Variants in PRTFDC1 observed in about 807,000 individuals in gnomAD.
PRTFDC1 encodes phosphoribosyltransferase domain-containing protein 1.
PRTFDC1 carries 38 observed loss-of-function variants against 34.6 expected under a neutral mutation model. The ratio of observed to expected loss-of-function variants is 1.10; its 90% CI spans 0.85 to 1.44. The LOEUF (loss-of-function observed/expected upper bound fraction) is 1.44. Among genes scored for constraint, PRTFDC1 ranks in the 40% most tolerant of loss-of-function variants. PRTFDC1 has a pLI of 0.00. For missense variants in PRTFDC1, 270 were observed against 283.0 expected, an observed-to-expected ratio of 0.95 and a Z score of 0.33; for synonymous variants, 93 against 98.1, an observed-to-expected ratio of 0.95 and a Z score of 0.31.
chr10:24,906,874 C>T (rs1848544697), intron 3 of PRTFDC1, among the ~76,000 whole-genome samples: 1 of 152,188 alleles, frequency 6.6e-6, no homozygotes, highest in Non-Finnish European at 1.5e-5. Flanking sequence ...GAGAAATGGA[C>T]AAGCTGTCAG....
At chr10:24,868,777 G>T (rs1847828165) in intron 4 of PRTFDC1, among the ~76,000 whole-genome samples, 1 of 128,200 alleles carries the variant, frequency 7.8e-6, no homozygotes, top group African/African-American at 2.9e-5. Context: ...CTAACTGTTG[G>T]GTGCCTTTTC....
intron 3 of PRTFDC1, among the ~76,000 whole-genome samples, chr10:24,893,509 T>C (rs141862901): frequency 9.7e-4 from 148 of 152,280 alleles, no homozygotes; most frequent in African/African-American, 3.5e-3. Flanking sequence ...CAGGTCTCAA[T>C]AGGTTGCCCA....
chr10:24,937,405 C>T, intron 2 of PRTFDC1, 38 bp from the exon 3 acceptor site: 1 of 1,543,978 alleles, frequency 6.5e-7, no homozygotes, highest in Non-Finnish European at 8.8e-7. Flanking sequence ...GGCACAACTA[C>T]TTCTGAGTAT....
At chr10:24,921,316 C>T (rs1317339146) in intron 3 of PRTFDC1, among the ~76,000 whole-genome samples, 1 of 152,070 alleles carries the variant, frequency 6.6e-6, no homozygotes, top group Non-Finnish European at 1.5e-5. Context: ...GACTTCTGAG[C>T]CTGCCTTCTA....
chr10:24,943,114 A>G (rs1588626645), intron 1 of PRTFDC1, among the ~76,000 whole-genome samples: 1 of 150,744 alleles, frequency 6.6e-6, no homozygotes, highest in African/African-American at 2.4e-5. Flanking sequence ...TAATTCTAAA[A>G]TACATGCAGT....
intron 3 of PRTFDC1, among the ~76,000 whole-genome samples, chr10:24,926,644 C>T (rs751955984): frequency 1.2e-4 from 18 of 152,186 alleles, no homozygotes; most frequent in Admixed American, 5.9e-4. Context: ...CCACTGCGTC[C>T]GGCCATTTCA....
chr10:24,926,904 T>C (rs954771751), intron 3 of PRTFDC1, among the ~76,000 whole-genome samples: 1 of 152,240 alleles, frequency 6.6e-6, no homozygotes, highest in African/African-American at 2.4e-5. Flanking sequence ...TCTCAGTGTT[T>C]GCTTTTCACA....
At chr10:24,927,956 G>T (rs1240772348) in intron 3 of PRTFDC1, among the ~76,000 whole-genome samples, 1 of 152,094 alleles carries the variant, frequency 6.6e-6, no homozygotes. Flanking sequence ...TTGAACACTT[G>T]CAAATAAAAT....
intron 2 of PRTFDC1, among the ~76,000 whole-genome samples, chr10:24,941,275 C>T (rs112059604): frequency 6.9e-4 from 105 of 152,028 alleles, no homozygotes; most frequent in African/African-American, 2.4e-3. Flanking sequence ...AGGCTGGTCT[C>T]AAACTCCTGG....
In PRTFDC1 at chr10:24,937,320, T is replaced by C. The variant is rs200167817; in HGVS notation, c.203A>G (p.Asp68Gly). 15 of 1,613,958 alleles carry C rather than the reference T, an allele frequency of 9.3e-6. No homozygotes were observed. The East Asian group carries it at 3.1e-4, about 34-fold the overall frequency. The change falls in exon 3 of 9, where the codon GAC becomes GGC. Residue 68 changes from aspartate to glycine, a missense_variant. Physicochemically the swap from Asp to Gly is moderately conservative, Grantham distance 94. Coordinates refer to ENST00000320152, the MANE Select transcript of PRTFDC1 (RefSeq NM_020200.7). ...KDIMKDIGYS[D>G]IMVLCVLKGG... is the part of the protein sequence containing the mutation. Reference sequence around the variant, plus strand: ...TTTAAGCACACACAGGACCATGATGTCACTATATCCTATGTCTTTCATAAT... The same window carrying C: ...TTTAAGCACACACAGGACCATGATGCCACTATATCCTATGTCTTTCATAAT...
intron 3 of PRTFDC1, among the ~76,000 whole-genome samples, chr10:24,895,926 CTA>C (rs988319630): frequency 6.6e-6 from 1 of 151,822 alleles, no homozygotes; most frequent in Admixed American, 6.6e-5. Context: ...CATATTTAAT[CTA>C]AAAACAAAAT....
intron 6 of PRTFDC1, among the ~76,000 whole-genome samples, chr10:24,856,322 C>T (rs1347178997): frequency 2.0e-5 from 3 of 149,296 alleles, no homozygotes; most frequent in Non-Finnish European, 4.4e-5. Context: ...TGCAGTGGCT[C>T]GTGCCTGTAA....
chr10:24,892,682 A>C (rs1848285181), intron 3 of PRTFDC1, among the ~76,000 whole-genome samples: 1 of 152,136 alleles, frequency 6.6e-6, no homozygotes, highest in African/African-American at 2.4e-5. Flanking sequence ...ATTCAAATTT[A>C]GTAACAAATT....
chr10:24,908,636 G>A (rs774555172), intron 3 of PRTFDC1: 176 of 1,611,870 alleles, frequency 1.1e-4, no homozygotes, highest in Non-Finnish European at 1.3e-4. Context: ...TTGACTGAAG[G>A]CCAGTCCTCC....
At chr10:24,861,361 G>A (rs1272229150) in intron 4 of PRTFDC1, among the ~76,000 whole-genome samples, 1 of 152,100 alleles carries the variant, frequency 6.6e-6, no homozygotes, top group Non-Finnish European at 1.5e-5. Flanking sequence ...AATTAGCTGG[G>A]CTTGGTGGCC....
At chr10:24,928,654 G>C (rs1050458573) in intron 3 of PRTFDC1, among the ~76,000 whole-genome samples, 1 of 152,028 alleles carries the variant, frequency 6.6e-6, no homozygotes, top group Non-Finnish European at 1.5e-5. Context: ...ATGTTGGCCA[G>C]GCTGGCCTGG....
intron 5 of PRTFDC1, among the ~76,000 whole-genome samples, chr10:24,857,616 A>G (rs1847603258): frequency 6.6e-6 from 1 of 152,228 alleles, no homozygotes; most frequent in Non-Finnish European, 1.5e-5. Context: ...TGAGCTGATT[A>G]TCAAAACAAC....
intron 3 of PRTFDC1, among the ~76,000 whole-genome samples, chr10:24,895,253 C>CTTTTTTTTTTTTTTT (rs60331186): frequency 2.9e-5 from 3 of 105,184 alleles, no homozygotes; most frequent in African/African-American, 4.0e-5. Context: ...TCTCCACTTT[C>CTTTTTTTTTTTTTTT]TTTTTTTTTT....
chr10:24,907,400 G>A (rs999875309), intron 3 of PRTFDC1, among the ~76,000 whole-genome samples: 8 of 151,944 alleles, frequency 5.3e-5, no homozygotes, highest in African/African-American at 1.9e-4. Context: ...TTCGAGACCA[G>A]CATGGTCAAC....
Sources: allele counts gnomAD v4.1 joint callset (sites outside exome capture counted in the v4.1 genomes callset), GRCh38; gene constraint gnomAD v4.1.1; transcripts MANE v1.5; gene names NCBI Gene and HGNC (gene_info 2026-07-23, HGNC 2026-07-21).